MALRD1: variants seen among roughly 807,000 people sequenced by gnomAD.
MALRD1 encodes the protein MAM and LDL receptor class A domain containing 1.
Under a neutral mutation model 242.1 loss-of-function variants are expected in MALRD1, and 247 were observed. The ratio of observed to expected loss-of-function variants is 1.02; its 90% CI spans 0.92 to 1.13. The LOEUF (loss-of-function observed/expected upper bound fraction) is 1.13. Ranked by LOEUF, MALRD1 falls within the 50% of genes most tolerant of loss-of-function variation. The pLI is 0.00. For synonymous variants in MALRD1, 995 were observed against 866.6 expected (o/e 1.15, Z -2.60); for missense variants, 2,989 against 2,533.1 (o/e 1.18, Z -3.86).
intron 29 of MALRD1, among the ~76,000 whole-genome samples, chr10:19,486,207 A>G (rs767228587): frequency 7.2e-5 from 11 of 152,212 alleles, no homozygotes; most frequent in East Asian, 1.9e-4. Context: ...TCAAATGTCA[A>G]TCTGCATTTT....
At chr10:19,226,798 G>C (rs1837820394) in intron 18 of MALRD1, among the ~76,000 whole-genome samples, 2 of 152,052 alleles carry the variant, frequency 1.3e-5, no homozygotes, top group Non-Finnish European at 2.9e-5. Flanking sequence ...AAGTGTGCTA[G>C]AGGTATGAAG....
intron 19 of MALRD1, among the ~76,000 whole-genome samples, chr10:19,261,151 G>C (rs1839729112): frequency 6.6e-6 from 1 of 152,086 alleles, no homozygotes; most frequent in Admixed American, 6.6e-5. Flanking sequence ...TAATTATCTG[G>C]CTAAATCCAT....
intron 8 of MALRD1, among the ~76,000 whole-genome samples, chr10:19,132,517 G>T (rs541736475): frequency 1.8e-4 from 27 of 152,288 alleles, no homozygotes; most frequent in Admixed American, 1.8e-3. Context: ...GAGGGTGCAG[G>T]ACTAAGTTGA....
intron 36 of MALRD1, among the ~76,000 whole-genome samples, chr10:19,671,629 AAAAT>A (rs1841924511): frequency 6.6e-6 from 1 of 152,234 alleles, no homozygotes; most frequent in African/African-American, 2.4e-5. Context: ...CCGTCTCAAA[AAAAT>A]AAATAATAAA....
intron 29 of MALRD1, among the ~76,000 whole-genome samples, chr10:19,490,403 A>G (rs935377380): frequency 1.3e-5 from 2 of 150,790 alleles, no homozygotes; most frequent in African/African-American, 2.4e-5. Context: ...ATCTGGAACA[A>G]TGTTTTCTGC....
chr10:19,475,190 C>T (rs1413408323), intron 29 of MALRD1, among the ~76,000 whole-genome samples: 2 of 152,044 alleles, frequency 1.3e-5, no homozygotes, highest in Non-Finnish European at 2.9e-5. Context: ...CCGAGGCGGG[C>T]GGATCACGAG....
At chr10:19,295,749 C>A (rs11813166) in intron 21 of MALRD1, among the ~76,000 whole-genome samples, 4 of 152,080 alleles carry the variant, frequency 2.6e-5, no homozygotes, top group Non-Finnish European at 5.9e-5. Flanking sequence ...AACACTGTAG[C>A]CCTAGTACCT....
intron 28 of MALRD1, among the ~76,000 whole-genome samples, chr10:19,417,098 T>C (rs1833540292): frequency 6.6e-6 from 1 of 152,146 alleles, no homozygotes. Context: ...TTTCCCAGCT[T>C]TTTATTCTTA....
intron 18 of MALRD1, among the ~76,000 whole-genome samples, chr10:19,238,390 A>G (rs1397036764): frequency 7.1e-5 from 5 of 70,802 alleles, no homozygotes; most frequent in African/African-American, 2.7e-4. Flanking sequence ...AATATATTAT[A>G]TATGTTATAT....
At position 19,504,044 on chromosome 10, in the gene MALRD1, G is replaced by C. The variant is rs528366978; in HGVS notation, c.5320+5398G>C. 3.3e-5 allele frequency among the ~76,000 whole-genome samples: 5 copies of C among 152,284 alleles called. No individual in the cohort carries two copies. The East Asian group carries it at 9.7e-4, about 29-fold the overall frequency. The stretch of plus-strand genomic sequence containing the variant: ...CCCCAAATAATCTTAGCAAGCTAAT[G>C]CTCTCCTATGTATAATAGCAATTTA... On this transcript the variant is annotated intron_variant, in intron 31 of 39. Transcript: ENST00000454679.
rs1835734421 is a variant in MALRD1 at position 19,088,028 on chromosome 10, C to T, written c.440C>T (p.Thr147Ile). ...GGTACTAATTGTCTTTCACAGATTA[C>T]ATTTTATTACTTCTCCTGCCAAGTG... ...PTNDQHDCQITFYYFSCQVSG... is the reference protein window; with the variant it reads ...PTNDQHDCQIIFYYFSCQVSG... The change falls in exon 4 of 40, where the codon ACA becomes ATA. Residue 147 changes from threonine (T) to isoleucine (I), a missense_variant. Coordinates refer to ENST00000454679, the MANE Select transcript of MALRD1 (RefSeq NM_001142308.3). 1.5e-5 allele frequency: 19 copies of T among 1,233,444 alleles called. No homozygotes were observed. In the East Asian group the frequency reaches 3.2e-4, roughly 20 times the overall value. 76.4% of individuals were successfully genotyped at this position (1,233,444 alleles called of 1,614,324 possible). A position where few individuals can be genotyped will look rare whatever the true frequency, so the allele number is the denominator to read the frequency against.
chr10:19,596,498 G>T (rs1838105666), intron 34 of MALRD1, among the ~76,000 whole-genome samples: 2 of 152,114 alleles, frequency 1.3e-5, no homozygotes, highest in South Asian at 4.1e-4. Flanking sequence ...GAAAGGCCGA[G>T]ATCGGAGGAT....
chr10:19,495,943 A>G (rs1213161420), intron 30 of MALRD1, among the ~76,000 whole-genome samples: 1 of 152,242 alleles, frequency 6.6e-6, no homozygotes. Context: ...CAGACAAAAT[A>G]GACTTTAAAC....
rs374976122 is a variant in MALRD1, at chr10:19,491,687, T to G, written c.5158+42T>G. 6.3e-4 allele frequency: 965 copies of G among 1,533,540 alleles called. 6 individuals are homozygous for G. In the African/African-American group the frequency reaches 7.1e-3, roughly 11 times the overall value. 95.0% of individuals were successfully genotyped at this position (1,533,540 alleles called of 1,614,324 possible). The stretch of plus-strand genomic sequence containing the variant: ...GCTGTATGGCAGCCAGTTCAGCAGA[T>G]ATTTTCCTTCATAAGTAGAGTTAGA... On this transcript the variant is annotated intron_variant, in intron 30 of 39. Coordinates refer to ENST00000454679, the MANE Select transcript of MALRD1 (RefSeq NM_001142308.3).
chr10:19,489,047 T>A, intron 29 of MALRD1: 1 of 457,264 alleles, frequency 2.2e-6, no homozygotes, highest in Non-Finnish European at 4.4e-6. Context: ...GCTCGGAGGG[T>A]GGAGGGGCGG....
chr10:19,370,445 A>T (rs988302043), intron 26 of MALRD1, among the ~76,000 whole-genome samples: 1 of 151,306 alleles, frequency 6.6e-6, no homozygotes, highest in African/African-American at 2.5e-5. Context: ...TATATTTTTA[A>T]AAAAATTGTC....
At chr10:19,302,709 T>C (rs534639320) in intron 21 of MALRD1, among the ~76,000 whole-genome samples, 3 of 151,840 alleles carry the variant, frequency 2.0e-5, no homozygotes, top group Admixed American at 6.6e-5. Context: ...ATACTAAAAT[T>C]CTCTACGTTG....
chr10:19,567,702 A>G lies in MALRD1; in HGVS notation c.5679A>G (p.Gly1893=), dbSNP rs1836318801. ...CTTTTACCCCAGAGTGTGTGACTGG[A>G]GGTAAGTGATTCTTTCAGAAAATGG... The part of the protein sequence containing the change: ...DISFTPECVT[G]GPVPVQPSPC... Residue 1893 remains glycine, a splice_region_variant and synonymous_variant, in exon 33 of 40, where the codon GGA becomes GGG. Coordinates refer to ENST00000454679, the MANE Select transcript of MALRD1 (RefSeq NM_001142308.3). 1 of 1,549,566 alleles carries G rather than the reference A, an allele frequency of 6.5e-7. No individual in the cohort carries two copies. Among genetic ancestry groups the G allele is most frequent in the Admixed American group, 2.0e-5 (1 of 50,968 alleles).
At chr10:19,351,924 G>C in intron 25 of MALRD1, 82 bp from the exon 26 acceptor site, 1 of 1,215,588 alleles carries the variant, frequency 8.2e-7, no homozygotes, top group South Asian at 1.6e-5. Context: ...ATAAAGAAGA[G>C]GGCAATGTGA....
Sources: allele counts gnomAD v4.1 joint callset (sites outside exome capture counted in the v4.1 genomes callset), GRCh38; gene constraint gnomAD v4.1.1; transcripts MANE v1.5; gene names NCBI Gene and HGNC (gene_info 2026-07-23, HGNC 2026-07-21).